The following ABCA13 variants were observed in gnomAD, a reference collection of about 807,000 sequenced individuals.
ABCA13 encodes the protein ATP binding cassette subfamily A member 13.
A neutral mutation model predicts 478.7 loss-of-function variants in ABCA13; 476 were observed. The ratio of observed to expected loss-of-function variants is 0.99; its 90% CI spans 0.92 to 1.07. The LOEUF is 1.07. Ranked by LOEUF, ABCA13 falls within the 50% of genes least tolerant of loss-of-function variation. ABCA13 has a pLI of 0.00. For synonymous variants in ABCA13, 2,252 were observed against 2,158.9 expected (o/e 1.04, Z -1.20); for missense variants, 6,060 against 5,910.6 (o/e 1.03, Z -0.83).
In ABCA13 at chr7:48,608,583, T is replaced by A. The variant is rs1315484559; in HGVS notation, c.14745-6702T>A. ...TTTGGCTCCCAAATAATCAGGTATA[T>A]CAACAGTGTCACTGGACCTGGGCAT... On this transcript the variant is annotated intron_variant, in intron 58 of 61. Transcript: ENST00000435803. Among the ~76,000 whole-genome samples, 16 of 152,268 alleles carry A rather than the reference T, an allele frequency of 1.1e-4. No individual in the cohort carries two copies. The South Asian group carries it at 2.7e-3, about 26-fold the overall frequency.
At chr7:48,353,191 CT>C (rs1809331043) in intron 31 of ABCA13, among the ~76,000 whole-genome samples, 1 of 151,790 alleles carries the variant, frequency 6.6e-6, no homozygotes, top group Admixed American at 6.5e-5. Context: ...AATGAACAGA[CT>C]TCAAAGCTCA....
chr7:48,293,192 G>GCA (rs748200533), intron 20 of ABCA13, among the ~76,000 whole-genome samples: 1 of 108,280 alleles, frequency 9.2e-6, no homozygotes, highest in Non-Finnish European at 2.0e-5. Flanking sequence ...GAAGTCTTCA[G>GCA]CCCCCCCCCC....
chr7:48,390,341 GGTCA>G (rs1202487396), intron 37 of ABCA13, among the ~76,000 whole-genome samples: 2 of 152,330 alleles, frequency 1.3e-5, no homozygotes, highest in East Asian at 1.9e-4. Context: ...AAGGCTGAGA[GGTCA>G]GTCAAAGACG....
intron 59 of ABCA13, among the ~76,000 whole-genome samples, chr7:48,626,450 C>A (rs748763279): frequency 2.6e-5 from 4 of 152,000 alleles, no homozygotes; most frequent in African/African-American, 9.7e-5. Flanking sequence ...TGGAATCATG[C>A]GGCATAAACT....
intron 41 of ABCA13, among the ~76,000 whole-genome samples, chr7:48,425,328 C>G (rs1333577748): frequency 6.6e-6 from 1 of 151,988 alleles, no homozygotes; most frequent in Non-Finnish European, 1.5e-5. Flanking sequence ...ATCAATAATG[C>G]CTTAGTTATC....
At chr7:48,541,101 C>T (rs1404820359) in intron 55 of ABCA13, among the ~76,000 whole-genome samples, 1 of 152,086 alleles carries the variant, frequency 6.6e-6, no homozygotes, top group African/African-American at 2.4e-5. Flanking sequence ...AGTCTCATAT[C>T]TGGAACACTA....
rs562043896 is a variant in ABCA13, at chr7:48,476,783, A to G, written c.12976-4253A>G. Among the ~76,000 whole-genome samples, 10 of 152,292 alleles carry G rather than the reference A, an allele frequency of 6.6e-5. No homozygotes were observed. In the South Asian group the frequency reaches 1.0e-3, roughly 16 times the overall value. The stretch of plus-strand genomic sequence containing the variant: ...GAAATATATGACCAGGTAAGTGAGC[A>G]TGGCATGTGCTTAACAAGCATCTAG... On this transcript the variant is annotated intron_variant, in intron 45 of 61. Coordinates refer to ENST00000435803, the MANE Select transcript of ABCA13 (RefSeq NM_152701.5).
rs568861917 is a variant in ABCA13 at position 48,613,003 on chromosome 7, T to G, written c.14745-2282T>G. ...AAAATAGTTTTAAAATCAATTTGAT[T>G]TAATGGTTTATATTTTATAATTTGT... is the stretch of plus-strand genomic sequence containing the variant. On this transcript the variant is annotated intron_variant, in intron 58 of 61. Transcript: ENST00000435803. 6.8e-4 allele frequency among the ~76,000 whole-genome samples: 103 copies of G among 152,310 alleles called. No individual in the cohort carries two copies. In the South Asian group the frequency reaches 0.014, roughly 21 times the overall value.
At chr7:48,214,564 A>G (rs1391141483) in intron 3 of ABCA13, among the ~76,000 whole-genome samples, 1 of 152,188 alleles carries the variant, frequency 6.6e-6, no homozygotes, top group Non-Finnish European at 1.5e-5. Context: ...ACTTACACCA[A>G]TTATTTTAGC....
chr7:48,388,947 C>A lies in ABCA13; in HGVS notation c.11474-93C>A. On this transcript the variant is annotated intron_variant, in intron 36 of 61. Coordinates refer to ENST00000435803, the MANE Select transcript of ABCA13 (RefSeq NM_152701.5). Reference sequence around the variant, plus strand: ...TTGTGTGCTTCACAGAGCTGGAATTCAATTTCAAAGCAGAATGCTGAATTA... The same window carrying A: ...TTGTGTGCTTCACAGAGCTGGAATTAAATTTCAAAGCAGAATGCTGAATTA... 9 of 1,436,070 alleles carry A rather than the reference C, an allele frequency of 6.3e-6. No homozygotes were observed. The South Asian group carries it at 1.0e-4, about 16-fold the overall frequency. The allele number at this position is 1,436,070 out of a possible 1,614,324, so 89.0% of individuals were successfully genotyped here. A position where few individuals can be genotyped will look rare whatever the true frequency, so the allele number is the denominator to read the frequency against.
At chr7:48,627,079 A>G (rs550845467) in intron 59 of ABCA13, 2 of 982,468 alleles carry the variant, frequency 2.0e-6, no homozygotes, top group South Asian at 9.4e-5. Flanking sequence ...ATTACTAAAT[A>G]TAGGCAATTT....
At chr7:48,342,417 C>G (rs1563085898) in intron 29 of ABCA13, among the ~76,000 whole-genome samples, 1 of 152,126 alleles carries the variant, frequency 6.6e-6, no homozygotes, top group African/African-American at 2.4e-5. Context: ...TACTTTAAGG[C>G]TGTATTGTAT....
chr7:48,544,471 A>G (rs1020488313), intron 55 of ABCA13, among the ~76,000 whole-genome samples: 4 of 151,722 alleles, frequency 2.6e-5, no homozygotes, highest in African/African-American at 7.2e-5. Context: ...CTGAAGGTTA[A>G]GTTGATCACA....
chr7:48,227,129 A>G, intron 5 of ABCA13, 133 bp from the exon 6 acceptor site: 1 of 790,728 alleles, frequency 1.3e-6, no homozygotes, highest in South Asian at 1.7e-5. Context: ...TGTTCAATGT[A>G]GTGATATATT....
chr7:48,546,891 A>G (rs928014551), intron 55 of ABCA13, among the ~76,000 whole-genome samples: 3 of 151,808 alleles, frequency 2.0e-5, no homozygotes, highest in Non-Finnish European at 4.4e-5. Context: ...TGAATCACAA[A>G]TTAGAGTAGT....
chr7:48,442,554 A>G (rs1823767670), intron 42 of ABCA13, among the ~76,000 whole-genome samples: 1 of 152,238 alleles, frequency 6.6e-6, no homozygotes, highest in Non-Finnish European at 1.5e-5. Flanking sequence ...CATTGAATTT[A>G]TAATGTTTAG....
chr7:48,395,493 T>A (rs1363581216), intron 38 of ABCA13, among the ~76,000 whole-genome samples: 1 of 152,172 alleles, frequency 6.6e-6, no homozygotes, highest in African/African-American at 2.4e-5. Context: ...CTTACTTATA[T>A]TCAAATGTTT....
intron 7 of ABCA13, among the ~76,000 whole-genome samples, chr7:48,230,176 T>C (rs1788839273): frequency 2.0e-5 from 3 of 152,362 alleles, no homozygotes; most frequent in South Asian, 4.1e-4. Context: ...TCTGCAGTCA[T>C]TGCTAATATA....
At position 48,313,226 on chromosome 7, in the gene ABCA13, C is replaced by T. The variant is rs1802036140; in HGVS notation, c.9676C>T (p.Gln3226Ter). The T allele has an allele frequency of 6.2e-7, 1 of 1,608,960 alleles. No individual in the cohort carries two copies. Among genetic ancestry groups the T allele is most frequent in the Non-Finnish European group, 8.5e-7 (1 of 1,177,434 alleles). The change falls in exon 25 of 62, where the codon CAA (glutamine) becomes TAA (stop). Residue 3226 changes from glutamine (Q) to a stop codon, truncating the protein, a stop_gained. Coordinates refer to ENST00000435803, the MANE Select transcript of ABCA13 (RefSeq NM_152701.5). LOFTEE classifies it high-confidence loss of function. ...ITALLETLDF[Q>*]QVSQNVQARS... ...TGCCTTGCTAGAAACCCTGGACTTT[C>T]AACAGGTGTGTGTTTCATCTTTGTC...
Sources: allele counts gnomAD v4.1 joint callset (sites outside exome capture counted in the v4.1 genomes callset), GRCh38; gene constraint gnomAD v4.1.1; transcripts MANE v1.5; gene names NCBI Gene and HGNC (gene_info 2026-07-23, HGNC 2026-07-21).